The following TMPRSS3 variants were observed in gnomAD, a reference collection of about 807,000 sequenced individuals.
The protein encoded by TMPRSS3 is transmembrane serine protease 3, also known as transmembrane protease serine 3.
Under a neutral mutation model 59.6 loss-of-function variants are expected in TMPRSS3, and 55 were observed. That is an observed-to-expected ratio of 0.92 (90% CI 0.74 to 1.16). The LOEUF is 1.16. Ranked by LOEUF, TMPRSS3 falls within the 50% of genes most tolerant of loss-of-function variation. The pLI, the probability that TMPRSS3 is intolerant of heterozygous loss-of-function variation, is 0.00. For missense variants in TMPRSS3, 596 were observed against 579.4 expected (o/e 1.03, Z -0.29); for synonymous variants, 257 against 237.7 (o/e 1.08, Z -0.75).
chr21:42,383,290 C>A, intron 7 of TMPRSS3, 92 bp from the exon 8 acceptor site: 1 of 1,342,164 alleles, frequency 7.5e-7, no homozygotes, highest in Non-Finnish European at 1.1e-6. Context: ...TCTCTCCCCA[C>A]CCTCACTGCC....
intron 10 of TMPRSS3, 43 bp downstream of exon 10, chr21:42,380,074 T>G (rs1356171758): frequency 3.0e-5 from 46 of 1,543,992 alleles, no homozygotes; most frequent in Non-Finnish European, 4.1e-5. Context: ...GCCCTCTGGG[T>G]TCTGAGCCCC....
intron 11 of TMPRSS3, 79 bp downstream of exon 11, chr21:42,376,462 A>G: frequency 6.3e-7 from 1 of 1,594,106 alleles, no homozygotes; most frequent in East Asian, 2.2e-5. Context: ...TTGTCCTGTC[A>G]CAGGGAAACG....
At chr21:42,378,601 C>A (rs2052469297) in intron 10 of TMPRSS3, among the ~76,000 whole-genome samples, 1 of 152,210 alleles carries the variant, frequency 6.6e-6, no homozygotes, top group African/African-American at 2.4e-5. Flanking sequence ...CCCAGGAATG[C>A]CAGTGCAGCT....
chr21:42,380,044 T>C (rs1036385575), intron 10 of TMPRSS3, 73 bp downstream of exon 10: 4 of 1,296,488 alleles, frequency 3.1e-6, no homozygotes, highest in Middle Eastern at 2.3e-4. Context: ...CAATGGGACA[T>C]TGGGGGAGCC....
intron 12 of TMPRSS3, 73 bp downstream of exon 12, chr21:42,375,643 C>A (rs2052411561): frequency 6.3e-7 from 1 of 1,597,726 alleles, no homozygotes; most frequent in Admixed American, 1.7e-5. Context: ...TATAGCAAGA[C>A]CAGGGTTGCA....
Position 42,389,975 on chromosome 21 carries a change from C to A in TMPRSS3, c.157G>T (p.Val53Phe). 1 of 1,613,942 alleles carries A rather than the reference C, an allele frequency of 6.2e-7. No individual in the cohort carries two copies. Among genetic ancestry groups the A allele is most frequent in the Non-Finnish European group, 8.5e-7 (1 of 1,179,892 alleles). ...LLPLKFFPIIVIGIIALILAL... is the reference protein window; with the variant it reads ...LLPLKFFPIIFIGIIALILAL... ...AATATCAATGCAATGATCCCAATGA[C>A]GATGATTGGAAAAAACTTCAATGGC... Residue 53 changes from valine to phenylalanine, a missense_variant, in exon 3 of 13, where the codon GTC becomes TTC. By Grantham distance (50) the Val-to-Phe change is conservative. Transcript: ENST00000644384.
chr21:42,372,432 C>A lies in TMPRSS3; in HGVS notation c.*330G>T. 3.8e-6 allele frequency: 2 copies of A among 523,178 alleles called. No homozygotes were observed. Among genetic ancestry groups the A allele is most frequent in the South Asian group, 1.5e-5 (1 of 65,004 alleles). The allele number at this position is 523,178 out of a possible 1,614,324, so 32.4% of individuals were successfully genotyped here. Reference sequence around the variant, plus strand: ...AAAATTAGTTGGGTGTGGTGGCGGGCACCTGTGGTCCCAGCTACTGGGGAA... The same window carrying A: ...AAAATTAGTTGGGTGTGGTGGCGGGAACCTGTGGTCCCAGCTACTGGGGAA... On this transcript the variant is annotated 3_prime_UTR_variant, in exon 13 of 13. Coordinates refer to ENST00000644384, the MANE Select transcript of TMPRSS3 (RefSeq NM_001256317.3).
intron 12 of TMPRSS3, among the ~76,000 whole-genome samples, chr21:42,374,137 A>G (rs988604475): frequency 3.9e-5 from 6 of 152,134 alleles, no homozygotes; most frequent in African/African-American, 1.4e-4. Context: ...TCTCCCATTC[A>G]GTTGTCCATC....
In TMPRSS3 at chr21:42,388,817, A is replaced by T. The variant is rs2052681534; in HGVS notation, c.322+112T>A. ...GCAAACGCCAGTTCAATCCCAGCTG[A>T]AGACATGACCTAAAAATGGCAATGA... On this transcript the variant is annotated intron_variant, in intron 4 of 12. Coordinates refer to ENST00000644384, the MANE Select transcript of TMPRSS3 (RefSeq NM_001256317.3). The surrounding 1 kb of genome is among the most constrained non-coding windows in gnomAD (Gnocchi z 5.1). The T allele has an allele frequency of 1.1e-5, 12 of 1,078,524 alleles. No individual in the cohort carries two copies. 66.8% of individuals were successfully genotyped at this position (1,078,524 alleles called of 1,614,324 possible). A position where few individuals can be genotyped will look rare whatever the true frequency, so the allele number is the denominator to read the frequency against.
Position 42,376,498 on chromosome 21 carries a change from G to A in TMPRSS3, c.1191+43C>T, listed in dbSNP as rs999765835. On this transcript the variant is annotated intron_variant, in intron 11 of 12. Transcript: ENST00000644384. The stretch of plus-strand genomic sequence containing the variant: ...CTGGCAACGACCTGTCCCAAGGGCT[G>A]GGTCACCCTGCCACGGCCTCGCCCA... 7 of 1,610,386 alleles carry A rather than the reference G, an allele frequency of 4.3e-6. No homozygotes were observed. The African/African-American group carries it at 6.7e-5, about 15-fold the overall frequency.
chr21:42,375,231 AC>A (rs1276934216), intron 12 of TMPRSS3, among the ~76,000 whole-genome samples: 378 of 18,348 alleles, frequency 0.021, no homozygotes, highest in African/African-American at 0.073. Context: ...GGGACCCCCC[AC>A]CCCCCCACAC....
intron 5 of TMPRSS3, among the ~76,000 whole-genome samples, chr21:42,387,414 C>G (rs1012299348): frequency 1.4e-5 from 2 of 142,090 alleles, no homozygotes; most frequent in South Asian, 2.2e-4. Flanking sequence ...TCCTCCTTGT[C>G]TCTAAGGAGT....
In TMPRSS3 at chr21:42,388,392, C is replaced by T. The variant is rs779460639; in HGVS notation, c.446+11G>A. The T allele has an allele frequency of 3.3e-5, 53 of 1,614,108 alleles. No individual in the cohort carries two copies. The highest frequency in any genetic ancestry group is 1.6e-4 in the Middle Eastern group (1 of 6,082). On this transcript the variant is annotated intron_variant, in intron 5 of 12. Transcript: ENST00000644384. This position sits in a 1 kb window ranked among gnomAD's most constrained non-coding sequence, Gnocchi z 5.1. ...GTTTTGCCCATGGGTTGGAAATGCT[C>T]TTTAACTTACCTTGGGAAACCCAGT...
chr21:42,384,029 A>G lies in TMPRSS3; in HGVS notation c.573-16T>C. The stretch of plus-strand genomic sequence containing the variant: ...ACATCCCTCCCTAAAGCGGAGAAAA[A>G]GTAGGCTCTGTGAAAAATGCCCCAG... On this transcript the variant is annotated splice_polypyrimidine_tract_variant and intron_variant, in intron 6 of 12. Coordinates refer to ENST00000644384, the MANE Select transcript of TMPRSS3 (RefSeq NM_001256317.3). 1.9e-6 allele frequency: 3 copies of G among 1,613,762 alleles called. No individual in the cohort carries two copies. The highest frequency in any genetic ancestry group is 2.5e-6 in the Non-Finnish European group (3 of 1,179,846).
At chr21:42,387,860 T>C (rs1311230271) in intron 5 of TMPRSS3, among the ~76,000 whole-genome samples, 2 of 152,234 alleles carry the variant, frequency 1.3e-5, no homozygotes, top group African/African-American at 4.8e-5. Context: ...CAAAAAATCA[T>C]GTAGGCAACA....
chr21:42,376,840 G>T lies in TMPRSS3; in HGVS notation c.1049-157C>A, dbSNP rs550324586. Among the ~76,000 whole-genome samples the T allele has an allele frequency of 2.8e-4, 43 of 152,306 alleles. 1 individual carries two copies. Among genetic ancestry groups the T allele is most frequent in the African/African-American group, 8.2e-4 (34 of 41,546 alleles). ...GAAAAGGACAGGGCCCTGCGGGTGG[G>T]ACGAGCAGACTCCCACTGTCTCGAA... On this transcript the variant is annotated intron_variant, in intron 10 of 12. Coordinates refer to ENST00000644384, the MANE Select transcript of TMPRSS3 (RefSeq NM_001256317.3).
intron 10 of TMPRSS3, among the ~76,000 whole-genome samples, chr21:42,377,524 T>A (rs2052450992): frequency 1.3e-5 from 2 of 152,222 alleles, no homozygotes; most frequent in Non-Finnish European, 2.9e-5. Context: ...AACTATGAGA[T>A]GATACCTTTC....
In TMPRSS3 at chr21:42,388,876, G is replaced by T. The variant is rs1231278047; in HGVS notation, c.322+53C>A. ...CATTTTACAGATGGGAAGGGTCAGGGTTGGCTTCTGCTGCTTCCTTCTGTT... is the reference window on the plus strand; with the variant it reads ...CATTTTACAGATGGGAAGGGTCAGGTTTGGCTTCTGCTGCTTCCTTCTGTT... On this transcript the variant is annotated intron_variant, in intron 4 of 12. Transcript: ENST00000644384. This position sits in a 1 kb window ranked among gnomAD's most constrained non-coding sequence, Gnocchi z 5.1. 1 of 1,482,364 alleles carries T rather than the reference G, an allele frequency of 6.7e-7. No homozygotes were observed. The highest frequency in any genetic ancestry group is 9.4e-7 in the Non-Finnish European group (1 of 1,060,716). 91.8% of individuals were successfully genotyped at this position (1,482,364 alleles called of 1,614,324 possible). A position where few individuals can be genotyped will look rare whatever the true frequency, so the allele number is the denominator to read the frequency against.
chr21:42,371,973 C>G lies in TMPRSS3; in HGVS notation c.*789G>C, dbSNP rs1182303205. 2 of 454,484 alleles carry G rather than the reference C, an allele frequency of 4.4e-6. No homozygotes were observed. Among genetic ancestry groups the G allele is most frequent in the Non-Finnish European group, 8.8e-6 (2 of 226,802 alleles). The allele number at this position is 454,484 out of a possible 1,614,324, so 28.2% of individuals were successfully genotyped here. ...GCTACAAAGAAATCATGAAAATAGGCCTTAAACGAGTCATTCCTAGATTAA... is the reference window on the plus strand; with the variant it reads ...GCTACAAAGAAATCATGAAAATAGGGCTTAAACGAGTCATTCCTAGATTAA... On this transcript the variant is annotated 3_prime_UTR_variant, in exon 13 of 13. Transcript: ENST00000644384.
Sources: gnomAD v4.1 joint callset for allele counts (sites outside exome capture counted in the v4.1 genomes callset) on GRCh38, gnomAD v4.1.1 for gene constraint, Gnocchi (gnomAD v3.1) non-coding constraint, MANE v1.5 for transcripts, NCBI Gene and HGNC (gene_info 2026-07-23, HGNC 2026-07-21) for gene names.